PPP4R3B: variants seen among roughly 807,000 people sequenced by gnomAD.
PPP4R3B encodes the protein serine/threonine-protein phosphatase 4 regulatory subunit 3B.
A neutral mutation model predicts 95.4 loss-of-function variants in PPP4R3B; 52 were observed. That is an observed-to-expected ratio of 0.54 (90% CI 0.44 to 0.69). The LOEUF (loss-of-function observed/expected upper bound fraction) is 0.69. PPP4R3B is among the 30% of genes least tolerant of loss of function. The probability of loss-of-function intolerance (pLI) is 0.00; values close to 1 mark genes in which losing one functional copy is unlikely to be tolerated. For synonymous variants in PPP4R3B, 407 were observed against 343.9 expected (o/e 1.18, Z -2.03); for missense variants, 1,003 against 1,005.9 (o/e 1.00, Z 0.04).
chr2:55,576,947 G>A (rs917961755), intron 11 of PPP4R3B, among the ~76,000 whole-genome samples: 26 of 152,124 alleles, frequency 1.7e-4, no homozygotes, highest in Admixed American at 1.6e-3. Context: ...ATTCTAAGTA[G>A]AAACAACTGC....
chr2:55,615,420 T>C, intron 2 of PPP4R3B, 31 bp downstream of exon 2: 1 of 1,470,784 alleles, frequency 6.8e-7, no homozygotes, highest in South Asian at 1.2e-5. Flanking sequence ...ACAGATGAAG[T>C]CTTTCAAATT....
At chr2:55,556,762 C>G (rs1251280516) in intron 16 of PPP4R3B, among the ~76,000 whole-genome samples, 1 of 152,058 alleles carries the variant, frequency 6.6e-6, no homozygotes, top group African/African-American at 2.4e-5. Flanking sequence ...ACTACCTTAC[C>G]CCTTTTTAAA....
Position 55,598,400 on chromosome 2 carries a change from G to T in PPP4R3B, c.921+16C>A, listed in dbSNP as rs1293543039. On this transcript the variant is annotated intron_variant, in intron 4 of 16. Transcript: ENST00000616407. Reference sequence around the variant, plus strand: ...TATCTGAAAAATGGAATCGTGAAGAGTATCTTTTTACTTACCTGCAACATG... The same window carrying T: ...TATCTGAAAAATGGAATCGTGAAGATTATCTTTTTACTTACCTGCAACATG... 6.2e-7 allele frequency: 1 copy of T among 1,608,054 alleles called. No homozygotes were observed. Among genetic ancestry groups the T allele is most frequent in the Non-Finnish European group, 8.5e-7 (1 of 1,177,422 alleles).
At chr2:55,607,446 A>C (rs1425205808) in intron 2 of PPP4R3B, among the ~76,000 whole-genome samples, 1 of 152,196 alleles carries the variant, frequency 6.6e-6, no homozygotes. Context: ...TTAATTTGCT[A>C]AAGTAGCTCA....
chr2:55,562,539 G>A (rs977729991), intron 15 of PPP4R3B, among the ~76,000 whole-genome samples: 5 of 152,190 alleles, frequency 3.3e-5, no homozygotes, highest in African/African-American at 7.2e-5. Flanking sequence ...ATGACTGTAA[G>A]GTTCTCGAAG....
rs550475354 is a variant in PPP4R3B, at chr2:55,587,218, T to C, written c.1000-484A>G. The stretch of plus-strand genomic sequence containing the variant: ...TCTATTAGTATGCAAAAATGCAAGA[T>C]ATACTTTTAATGGGGTGCCAGTTTT... On this transcript the variant is annotated intron_variant, in intron 5 of 16. Transcript: ENST00000616407. Among the ~76,000 whole-genome samples, 4 of 152,364 alleles carry C rather than the reference T, an allele frequency of 2.6e-5. No individual in the cohort carries two copies. The East Asian group carries it at 7.7e-4, about 29-fold the overall frequency.
At chr2:55,596,802 A>C (rs1691840448) in intron 4 of PPP4R3B, among the ~76,000 whole-genome samples, 1 of 152,144 alleles carries the variant, frequency 6.6e-6, no homozygotes, top group Non-Finnish European at 1.5e-5. Context: ...GTTTCTACTA[A>C]AAATACAAAA....
rs751454566 is a variant in PPP4R3B at position 55,586,624 on chromosome 2, A to G, written c.1110T>C (p.Ile370=). The change falls in exon 6 of 17, where the codon ATT becomes ATC. Residue 370 remains isoleucine, a synonymous_variant. Transcript: ENST00000616407. ...AAAGAAACGGCATAATTACCATTAC[A>G]ATTTCAAGAGCAGGAAGAATTCCCA... The part of the protein sequence containing the change: ...AKLGILPALE[I]VMGMDDLQVR... The G allele has an allele frequency of 1.4e-5, 22 of 1,587,826 alleles. No homozygotes were observed. The highest frequency in any genetic ancestry group is 1.7e-5 in the Non-Finnish European group (20 of 1,161,698).
At chr2:55,591,412 G>C (rs1289603277) in intron 4 of PPP4R3B, 2 of 532,572 alleles carry the variant, frequency 3.8e-6, no homozygotes, top group Non-Finnish European at 4.8e-6. Flanking sequence ...CAAAGTGCTA[G>C]GACTACAGGC....
intron 16 of PPP4R3B, among the ~76,000 whole-genome samples, chr2:55,556,862 A>T (rs1213889109): frequency 2.6e-5 from 4 of 152,178 alleles, no homozygotes; most frequent in Non-Finnish European, 5.9e-5. Context: ...CAGCAGTCTG[A>T]GACCAGCCTG....
At chr2:55,563,180 A>T (rs1002226552) in intron 15 of PPP4R3B, among the ~76,000 whole-genome samples, 1 of 152,242 alleles carries the variant, frequency 6.6e-6, no homozygotes, top group South Asian at 2.1e-4. Flanking sequence ...TATTTTAATA[A>T]GCTTTTTGCT....
chr2:55,562,407 A>G (rs562341892), intron 15 of PPP4R3B, among the ~76,000 whole-genome samples: 6 of 152,212 alleles, frequency 3.9e-5, no homozygotes, highest in Admixed American at 3.9e-4. Context: ...GGGCAATGAG[A>G]AGGAGACTCC....
intron 12 of PPP4R3B, among the ~76,000 whole-genome samples, chr2:55,570,474 T>C (rs1458896265): frequency 9.2e-5 from 14 of 152,206 alleles, no homozygotes; most frequent in Non-Finnish European, 7.4e-5. Context: ...ACTAGCTAAA[T>C]AAAGCTTACT....
At chr2:55,588,268 CT>C (rs1690437189) in intron 5 of PPP4R3B, among the ~76,000 whole-genome samples, 1 of 152,152 alleles carries the variant, frequency 6.6e-6, no homozygotes, top group Non-Finnish European at 1.5e-5. Flanking sequence ...AATCCCAGCA[CT>C]TTAGGAGGCC....
intron 4 of PPP4R3B, among the ~76,000 whole-genome samples, chr2:55,593,148 ACT>A (rs1436903178): frequency 1.2e-4 from 18 of 152,126 alleles, no homozygotes; most frequent in African/African-American, 4.1e-4. Context: ...ACAGAGCGAG[ACT>A]CTGTCTCAAA....
In PPP4R3B at chr2:55,579,635, T is replaced by C. The variant is rs373912056; in HGVS notation, c.1468+44A>G. 2.2e-5 allele frequency: 29 copies of C among 1,347,206 alleles called. No individual in the cohort carries two copies. In the African/African-American group the frequency reaches 4.2e-4, roughly 19 times the overall value. The allele number at this position is 1,347,206 out of a possible 1,614,324, so 83.5% of individuals were successfully genotyped here. On this transcript the variant is annotated intron_variant, in intron 9 of 16. Coordinates refer to ENST00000616407, the MANE Select transcript of PPP4R3B (RefSeq NM_001122964.3). ...GTTAGTTTAATATTTATCTCATCCT[T>C]CTTTAAAAACAGAAATCACAGCAGA...
intron 16 of PPP4R3B, among the ~76,000 whole-genome samples, chr2:55,557,825 T>A (rs936688978): frequency 6.6e-6 from 1 of 152,158 alleles, no homozygotes; most frequent in Non-Finnish European, 1.5e-5. Context: ...AAAAGGATGA[T>A]TTCATATAAC....
intron 12 of PPP4R3B, among the ~76,000 whole-genome samples, chr2:55,572,181 T>C (rs1159021046): frequency 6.6e-6 from 1 of 152,056 alleles, no homozygotes; most frequent in East Asian, 1.9e-4. Flanking sequence ...GAAATAAAGA[T>C]ATTAGAAGAA....
intron 4 of PPP4R3B, among the ~76,000 whole-genome samples, chr2:55,596,500 C>T (rs1054827397): frequency 2.6e-5 from 4 of 152,148 alleles, no homozygotes; most frequent in African/African-American, 7.2e-5. Context: ...CTATTAAAAC[C>T]AGAATGCTAT....
Sources: allele counts gnomAD v4.1 joint callset (sites outside exome capture counted in the v4.1 genomes callset), GRCh38; gene constraint gnomAD v4.1.1; transcripts MANE v1.5; gene names NCBI Gene and HGNC (gene_info 2026-07-23, HGNC 2026-07-21).